MASP1: variants seen among roughly 807,000 people sequenced by gnomAD.
The protein encoded by MASP1 is MBL associated serine protease 1, also known as mannan-binding lectin serine protease 1.
In MASP1, 59 loss-of-function variants were observed where a neutral mutation model predicts 77.1. The ratio of observed to expected loss-of-function variants is 0.77; its 90% confidence interval spans 0.62 to 0.95. The LOEUF (loss-of-function observed/expected upper bound fraction) is 0.95, where lower values mean the gene tolerates loss of function less well. MASP1 is among the 40% of genes least tolerant of loss of function. The pLI is 0.00. For synonymous variants in MASP1, 362 were observed against 354.5 expected, an observed-to-expected ratio of 1.02 and a Z score of -0.24; for missense variants, 885 against 912.9, an observed-to-expected ratio of 0.97 and a Z score of 0.39.
chr3:187,228,519 C>T lies in MASP1; in HGVS notation c.1441+1241G>A, dbSNP rs116597062. Among the ~76,000 whole-genome samples the T allele has an allele frequency of 4.3e-3, 659 of 152,116 alleles. 2 individuals are homozygous for T. The highest frequency in any genetic ancestry group is 0.015 in the African/African-American group (608 of 41,486). ...TCTTCTCTCCTGGGTATCTTGTGCC[C>T]GCCAGTACCTCCTCCTCTTGTTGTA... On this transcript the variant is annotated intron_variant, in intron 11 of 15. Transcript: ENST00000337774.
chr3:187,275,068 C>T (rs956633087), intron 2 of MASP1, among the ~76,000 whole-genome samples: 12 of 152,180 alleles, frequency 7.9e-5, no homozygotes, highest in African/African-American at 2.9e-4. Context: ...CCCCACCTCA[C>T]CCCTTCTGGG....
chr3:187,228,609 A>G (rs1262038990), intron 11 of MASP1, among the ~76,000 whole-genome samples: 3 of 151,622 alleles, frequency 2.0e-5, no homozygotes, highest in South Asian at 4.2e-4. Context: ...GGTATCTCTC[A>G]GTGTTCTCTG....
chr3:187,220,492 C>CTTT lies in MASP1; in HGVS notation c.1910-234_1910-232dup, dbSNP rs747532550. Reference sequence around the variant, plus strand: ...TTCTTTTCTTTTCTTTTTCTTTTTTCTTTCTTTTTTTTTTTTTTTTTGAGA... The same window carrying CTTT: ...TTCTTTTCTTTTCTTTTTCTTTTTTCTTTTTTCTTTTTTTTTTTTTTTTTGAGA... On this transcript the variant is annotated intron_variant, in intron 15 of 15. Coordinates refer to the MASP1 transcript ENST00000337774. Among the ~76,000 whole-genome samples the CTTT allele has an allele frequency of 7.1e-4, 96 of 134,610 alleles. 1 individual carries two copies. The highest frequency in any genetic ancestry group is 8.3e-4 in the Non-Finnish European group (54 of 64,736). 88.3% of individuals were successfully genotyped at this position (134,610 alleles called of 152,430 possible).
rs1265386611 is a variant in MASP1, at chr3:187,236,116, G to T, written c.1755C>A (p.His585Gln). 3.1e-6 allele frequency: 5 copies of T among 1,613,834 alleles called. No individual in the cohort carries two copies. The highest frequency in any genetic ancestry group is 4.2e-6 in the Non-Finnish European group (5 of 1,180,048). ...CCCAGCCGGCCACCAGGCCCAGCAT[G>T]TGGGGGGCCGGGCCTTCAGGCTCAA... ...PRLEPEGPAP[H>Q]MLGLVAGWGI... is the part of the protein sequence containing the mutation. Residue 585 changes from histidine (H) to glutamine (Q), a missense_variant, in exon 11 of 11, where the codon CAC becomes CAA. His to Gln is a conservative substitution (Grantham distance 24). Coordinates refer to ENST00000296280, the MANE Select transcript of MASP1 (RefSeq NM_139125.4).
rs150573455 is a variant in MASP1 at position 187,254,480 on chromosome 3, T to G, written c.745-1165A>C. On this transcript the variant is annotated intron_variant, in intron 5 of 10. Transcript: ENST00000296280. ...GCCTAGTGTTAGGAACAGGCAGGAATCCAGGCTGGCTGGGCAGTGGGAGTG... is the reference window on the plus strand; with the variant it reads ...GCCTAGTGTTAGGAACAGGCAGGAAGCCAGGCTGGCTGGGCAGTGGGAGTG... 8.5e-5 allele frequency among the ~76,000 whole-genome samples: 13 copies of G among 152,222 alleles called. No individual in the cohort carries two copies. In the Middle Eastern group the frequency reaches 0.01, roughly 119 times the overall value.
chr3:187,233,367 T>C (rs76122876), downstream of MASP1, among the ~76,000 whole-genome samples: 3 of 152,176 alleles, frequency 2.0e-5, no homozygotes, highest in East Asian at 3.9e-4. Flanking sequence ...ACTTTAACCA[T>C]GGCCAGCTTT....
chr3:187,250,081 A>C (rs1436330017), intron 8 of MASP1, among the ~76,000 whole-genome samples, 170 bp downstream of exon 8: 1 of 152,216 alleles, frequency 6.6e-6, no homozygotes, highest in Non-Finnish European at 1.5e-5. Flanking sequence ...CTTATTGCCA[A>C]AAGGGGCACT....
intron 1 of MASP1, among the ~76,000 whole-genome samples, chr3:187,289,682 C>T (rs1718151032): frequency 6.6e-6 from 1 of 152,176 alleles, no homozygotes; most frequent in Non-Finnish European, 1.5e-5. Context: ...TTCCGACGTA[C>T]AGTCAGAATT....
At chr3:187,261,018 T>C in intron 3 of MASP1, 146 bp from the exon 4 acceptor site, 1 of 970,350 alleles carries the variant, frequency 1.0e-6, no homozygotes, top group Non-Finnish European at 1.6e-6. Context: ...AGCCCAGAGG[T>C]AGCCATTATC....
intron 1 of MASP1, among the ~76,000 whole-genome samples, chr3:187,287,801 C>T (rs1181231751): frequency 2.6e-5 from 4 of 152,162 alleles, no homozygotes; most frequent in South Asian, 2.1e-4. Context: ...CTAATCAGGA[C>T]GTTGTTTCTC....
intron 8 of MASP1, among the ~76,000 whole-genome samples, chr3:187,248,192 T>C (rs1714262705): frequency 6.6e-6 from 1 of 152,218 alleles, no homozygotes; most frequent in African/African-American, 2.4e-5. Flanking sequence ...AGTTTCTCTT[T>C]ACTACAAAAT....
At chr3:187,285,535 C>T (rs551172122) in intron 2 of MASP1, among the ~76,000 whole-genome samples, 42 of 151,846 alleles carry the variant, frequency 2.8e-4, no homozygotes, top group Non-Finnish European at 5.9e-4. Context: ...TAAAGGTGAT[C>T]TTGGAACAGA....
At position 187,277,020 on chromosome 3, in the gene MASP1, C is replaced by G. The variant is rs139184750; in HGVS notation, c.237+8805G>C. On this transcript the variant is annotated intron_variant, in intron 2 of 10. Coordinates refer to ENST00000296280, the MANE Select transcript of MASP1 (RefSeq NM_139125.4). The stretch of plus-strand genomic sequence containing the variant: ...AGCGACTTACCTCTCAATTACACAG[C>G]AGGATGCAGACTGACCCAATGTGGC... Among the ~76,000 whole-genome samples, 1,249 of 152,234 alleles carry G rather than the reference C, an allele frequency of 8.2e-3. 8 individuals carry two copies. The highest frequency in any genetic ancestry group is 0.027 in the African/African-American group (1,136 of 41,534).
intron 8 of MASP1, chr3:187,247,416 C>T (rs888334074): frequency 1.2e-6 from 2 of 1,613,402 alleles, no homozygotes; most frequent in Non-Finnish European, 1.7e-6. Context: ...AAAGAGGGAT[C>T]AAGAGATACA....
chr3:187,267,811 C>T (rs1716166223), intron 2 of MASP1, among the ~76,000 whole-genome samples: 1 of 152,216 alleles, frequency 6.6e-6, no homozygotes, highest in African/African-American at 2.4e-5. Context: ...CCAATATTTC[C>T]ACCCATGCCA....
intron 5 of MASP1, 73 bp from the exon 6 acceptor site, chr3:187,253,388 C>T: frequency 6.8e-7 from 1 of 1,473,346 alleles, no homozygotes; most frequent in East Asian, 2.3e-5. Flanking sequence ...CTGCAGGTAA[C>T]ACCTCTCCAC....
chr3:187,278,477 T>A (rs1717141925), intron 2 of MASP1, among the ~76,000 whole-genome samples: 1 of 152,234 alleles, frequency 6.6e-6, no homozygotes, highest in Admixed American at 6.5e-5. Flanking sequence ...ACTGTGTTAA[T>A]CCTCTCTCCA....
rs189655064 is a variant in MASP1, at chr3:187,234,715, T to C, written c.*969A>G. On this transcript the variant is annotated 3_prime_UTR_variant, in exon 11 of 11. Coordinates refer to ENST00000296280, the MANE Select transcript of MASP1 (RefSeq NM_139125.4). The stretch of plus-strand genomic sequence containing the variant: ...ACTTCTAATGTGCCCACCCCACTCT[T>C]TCTTCCATTTTCCTGCCCAAAAGCA... 7.8e-7 allele frequency: 1 copy of C among 1,287,254 alleles called. No individual in the cohort carries two copies. The highest frequency in any genetic ancestry group is 2.3e-5 in the Admixed American group (1 of 43,570). 79.7% of individuals were successfully genotyped at this position (1,287,254 alleles called of 1,614,324 possible).
At chr3:187,229,894 C>T (rs369489387), downstream of MASP1, 3 of 1,614,186 alleles carry the variant, frequency 1.9e-6, no homozygotes, top group East Asian at 2.2e-5. Context: ...GGGGAGCCCA[C>T]ACACTGCATC....
Sources: allele counts gnomAD v4.1 joint callset (sites outside exome capture counted in the v4.1 genomes callset), GRCh38; gene constraint gnomAD v4.1.1; transcripts MANE v1.5; gene names NCBI Gene and HGNC (gene_info 2026-07-23, HGNC 2026-07-21).